DPP6: variants seen among roughly 807,000 people sequenced by gnomAD.
DPP6 encodes the protein dipeptidyl peptidase like 6, also known as A-type potassium channel modulatory protein DPP6.
A neutral mutation model predicts 122.6 loss-of-function variants in DPP6; 69 were observed. The observed-to-expected ratio is 0.56, with a 90% CI of 0.46 to 0.69. The LOEUF (loss-of-function observed/expected upper bound fraction) is 0.69. Ranked by LOEUF, DPP6 falls within the 30% of genes least tolerant of loss-of-function variation. DPP6 has a pLI of 0.00. For missense variants in DPP6, 928 were observed against 1,116.9 expected (o/e 0.83, Z 2.41); for synonymous variants, 418 against 433.1 (o/e 0.97, Z 0.43).
chr7:153,939,947 G>A (rs1162802665), intron 1 of DPP6, among the ~76,000 whole-genome samples: 6 of 152,188 alleles, frequency 3.9e-5, no homozygotes, highest in Admixed American at 2.0e-4. Flanking sequence ...AAACATGCCC[G>A]ATCGTAAGGA....
rs900561558 is a variant in DPP6 at position 153,981,255 on chromosome 7, GA to G, written c.51+93522del. ...CTGTATTGGGTGCATACATATTTAGGATAGTTAGCTCTTCTTGTTGCATTGA... is the reference window on the plus strand; with the variant it reads ...CTGTATTGGGTGCATACATATTTAGGTAGTTAGCTCTTCTTGTTGCATTGA... On this transcript the variant is annotated intron_variant, in intron 1 of 25. Coordinates refer to the DPP6 transcript ENST00000404039. Among the ~76,000 whole-genome samples the G allele has an allele frequency of 9.7e-4, 147 of 152,306 alleles. 1 individual carries two copies. The highest frequency in any genetic ancestry group is 3.4e-3 in the African/African-American group (143 of 41,564).
chr7:154,132,845 T>A (rs1216425981), intron 1 of DPP6, among the ~76,000 whole-genome samples: 1 of 152,032 alleles, frequency 6.6e-6, no homozygotes, highest in Non-Finnish European at 1.5e-5. Context: ...CGTTGTTGTG[T>A]CTCTGCCCTT....
At chr7:154,437,080 T>A (rs1248733945) in intron 1 of DPP6, among the ~76,000 whole-genome samples, 2 of 152,136 alleles carry the variant, frequency 1.3e-5, no homozygotes, top group African/African-American at 4.8e-5. Context: ...GATGTCCGTA[T>A]CCCATTCCCT....
chr7:154,659,349 A>G (rs1315299769), intron 6 of DPP6, among the ~76,000 whole-genome samples: 1 of 152,260 alleles, frequency 6.6e-6, no homozygotes, highest in Admixed American at 6.5e-5. Flanking sequence ...CATTTTATCA[A>G]TATTCAACCA....
chr7:154,615,289 C>T (rs1445514496), intron 5 of DPP6, among the ~76,000 whole-genome samples: 1 of 152,148 alleles, frequency 6.6e-6, no homozygotes, highest in Non-Finnish European at 1.5e-5. Flanking sequence ...CTGTGAAAAG[C>T]CAATAACGTG....
intron 7 of DPP6, among the ~76,000 whole-genome samples, chr7:154,681,021 G>A (rs867186305): frequency 7.9e-5 from 12 of 152,090 alleles, no homozygotes; most frequent in Middle Eastern, 6.8e-3. Flanking sequence ...AGTCATCATC[G>A]TATACACTTA....
intron 4 of DPP6, among the ~76,000 whole-genome samples, chr7:154,543,818 A>G: frequency 6.6e-6 from 1 of 151,766 alleles, no homozygotes; most frequent in East Asian, 1.9e-4. Context: ...ATGTGGTGAA[A>G]CCCCATCTCT....
Position 154,108,513 on chromosome 7 carries a change from T to G in DPP6, c.243+55450T>G, listed in dbSNP as rs191916754. 1.4e-3 allele frequency among the ~76,000 whole-genome samples: 215 copies of G among 152,252 alleles called. 1 individual carries two copies. Among genetic ancestry groups the G allele is most frequent in the East Asian group, 2.9e-3 (15 of 5,164 alleles). ...TTATCAATTCCTGCATCCCTAACACTGGGACAAGCAGATATCCTTCCATGC... is the reference window on the plus strand; with the variant it reads ...TTATCAATTCCTGCATCCCTAACACGGGGACAAGCAGATATCCTTCCATGC... On this transcript the variant is annotated intron_variant, in intron 1 of 25. Transcript: ENST00000377770.
At chr7:154,266,249 AG>A (rs754142120) in intron 1 of DPP6, among the ~76,000 whole-genome samples, 1 of 152,204 alleles carries the variant, frequency 6.6e-6, no homozygotes, top group Non-Finnish European at 1.5e-5. Context: ...AAACCATATC[AG>A]GGGTGTCCTC....
rs552634948 is a variant in DPP6 at position 154,034,735 on chromosome 7, TC to T, written c.51+147003del. Among the ~76,000 whole-genome samples, 90 of 152,014 alleles carry T rather than the reference TC, an allele frequency of 5.9e-4. 1 individual carries two copies. Among genetic ancestry groups the T allele is most frequent in the Non-Finnish European group, 1.1e-3 (78 of 68,010 alleles). On this transcript the variant is annotated intron_variant, in intron 1 of 25. Transcript: ENST00000404039. ...TGATATCTGGGCACTGTGCAAGACT[TC>T]CTTCACTGCATGGGAGTATGTGAGG...
chr7:154,646,525 A>G (rs1019170462), intron 6 of DPP6, among the ~76,000 whole-genome samples: 12 of 152,228 alleles, frequency 7.9e-5, no homozygotes, highest in African/African-American at 2.9e-4. Context: ...TTCTCTAAAA[A>G]AAACCTGAAT....
chr7:154,853,022 C>T (rs1383153147), intron 16 of DPP6, among the ~76,000 whole-genome samples: 1 of 152,232 alleles, frequency 6.6e-6, no homozygotes, highest in Non-Finnish European at 1.5e-5. Flanking sequence ...CCGGTGAGTG[C>T]AGAGGACAGT....
chr7:154,699,849 T>G (rs1365916450), intron 7 of DPP6, among the ~76,000 whole-genome samples: 1 of 152,116 alleles, frequency 6.6e-6, no homozygotes, highest in African/African-American at 2.4e-5. Context: ...TTCCATAAAG[T>G]CAGAACAGCA....
chr7:154,215,580 C>G (rs1799953250), intron 1 of DPP6, among the ~76,000 whole-genome samples: 1 of 152,116 alleles, frequency 6.6e-6, no homozygotes, highest in Non-Finnish European at 1.5e-5. Context: ...CTTGTCTCTC[C>G]CAGTAGATTG....
intron 1 of DPP6, among the ~76,000 whole-genome samples, chr7:154,018,161 C>T (rs1318217436): frequency 4.6e-5 from 7 of 151,882 alleles, no homozygotes; most frequent in Non-Finnish European, 8.8e-5. Context: ...CACGAGGCCC[C>T]CTATCCTGCT....
At chr7:153,983,560 C>A (rs1334771872) in intron 1 of DPP6, among the ~76,000 whole-genome samples, 1 of 152,082 alleles carries the variant, frequency 6.6e-6, no homozygotes, top group African/African-American at 2.4e-5. Flanking sequence ...GTGAACAGTT[C>A]TGTCTCACTG....
intron 1 of DPP6, among the ~76,000 whole-genome samples, chr7:154,108,310 C>G (rs1182437773): frequency 2.6e-5 from 4 of 152,172 alleles, no homozygotes; most frequent in Non-Finnish European, 4.4e-5. Flanking sequence ...AGCCTTGTTT[C>G]CTTGCTTGTA....
intron 5 of DPP6, among the ~76,000 whole-genome samples, chr7:154,630,692 C>T (rs1234772102): frequency 1.3e-5 from 2 of 152,160 alleles, no homozygotes; most frequent in East Asian, 3.9e-4. Flanking sequence ...GAACAGAAAA[C>T]CAAACACCAC....
intron 1 of DPP6, among the ~76,000 whole-genome samples, chr7:153,967,909 C>T (rs2531096): frequency 0.023 from 3,530 of 151,632 alleles, 115 homozygotes; most frequent in African/African-American, 0.069. Context: ...TTTTTATGGC[C>T]GTGTAGTATT....
Sources: gnomAD v4.1 joint callset for allele counts (sites outside exome capture counted in the v4.1 genomes callset) on GRCh38, gnomAD v4.1.1 for gene constraint, MANE v1.5 for transcripts, NCBI Gene and HGNC (gene_info 2026-07-23, HGNC 2026-07-21) for gene names.